PRUNE1: variants seen among roughly 807,000 people sequenced by gnomAD.
The protein encoded by PRUNE1 is exopolyphosphatase PRUNE1.
In PRUNE1, 25 loss-of-function variants were observed where a neutral mutation model predicts 42.5. The observed-to-expected ratio is 0.59, with a 90% CI of 0.43 to 0.82. PRUNE1 has a LOEUF of 0.82. Ranked by LOEUF, PRUNE1 falls within the 40% of genes least tolerant of loss-of-function variation. The pLI is 0.00. For missense variants in PRUNE1, 443 were observed against 539.3 expected (o/e 0.82, Z 1.77); for synonymous variants, 203 against 217.1 (o/e 0.93, Z 0.57).
intron 1 of PRUNE1, among the ~76,000 whole-genome samples, chr1:151,010,385 G>A (rs1013503925): frequency 7.2e-5 from 11 of 152,228 alleles, no homozygotes; most frequent in East Asian, 5.8e-4. Flanking sequence ...TACCCAGCCC[G>A]AATAGTATAT....
At chr1:151,018,728 G>A (rs1267006666) in intron 3 of PRUNE1, 59 bp downstream of exon 3, 5 of 1,457,888 alleles carry the variant, frequency 3.4e-6, no homozygotes, top group Admixed American at 3.9e-5. Context: ...TCTGATGAGT[G>A]AGATATAAAG....
At chr1:151,012,113 A>AAGTT (rs962164027) in intron 1 of PRUNE1, among the ~76,000 whole-genome samples, 3 of 152,228 alleles carry the variant, frequency 2.0e-5, no homozygotes, top group African/African-American at 7.2e-5. Context: ...AAAAGAAAAA[A>AAGTT]AGTTTGTATT....
At position 151,008,625 on chromosome 1, in the gene PRUNE1, G is replaced by A; in HGVS notation, c.-8G>A. The A allele has an allele frequency of 6.2e-7, 1 of 1,614,222 alleles. No individual in the cohort carries two copies. Among genetic ancestry groups the A allele is most frequent in the Non-Finnish European group, 8.5e-7 (1 of 1,180,044 alleles). On this transcript the variant is annotated 5_prime_UTR_variant, in exon 1 of 8. Coordinates refer to ENST00000271620, the MANE Select transcript of PRUNE1 (RefSeq NM_021222.3). The stretch of plus-strand genomic sequence containing the variant: ...GACCAGGGGCGACGGCGTACTTTGG[G>A]CTTCATCATGGAGGACTACCTGCAG...
In PRUNE1 at chr1:151,034,527, G is replaced by A; in HGVS notation, c.*293G>A. The A allele has an allele frequency of 2.9e-6, 1 of 345,544 alleles. No homozygotes were observed. Among genetic ancestry groups the A allele is most frequent in the Non-Finnish European group, 5.4e-6 (1 of 185,746 alleles). 21.4% of individuals were successfully genotyped at this position (345,544 alleles called of 1,614,324 possible). A position where few individuals can be genotyped will look rare whatever the true frequency, so the allele number is the denominator to read the frequency against. Reference sequence around the variant, plus strand: ...GACATATCTGCAGTCCCAGCACAGTGGGACAAAAAGAATTTAGACCCCAAA... The same window carrying A: ...GACATATCTGCAGTCCCAGCACAGTAGGACAAAAAGAATTTAGACCCCAAA... On this transcript the variant is annotated 3_prime_UTR_variant, in exon 8 of 8. Coordinates refer to ENST00000271620, the MANE Select transcript of PRUNE1 (RefSeq NM_021222.3).
At chr1:151,022,416 ATT>A (rs35567560) in intron 3 of PRUNE1, among the ~76,000 whole-genome samples, 8,201 of 135,104 alleles carry the variant, frequency 0.061, 386 homozygotes, top group African/African-American at 0.14. Flanking sequence ...GGCCTGGCTA[ATT>A]TTTTTTTTTT....
At chr1:151,017,070 G>C (rs918380110) in intron 1 of PRUNE1, among the ~76,000 whole-genome samples, 1 of 135,266 alleles carries the variant, frequency 7.4e-6, no homozygotes, top group Non-Finnish European at 1.5e-5. Context: ...TGAGGCATGA[G>C]AATCTGGTCA....
At chr1:151,015,929 C>T (rs1674081082) in intron 1 of PRUNE1, among the ~76,000 whole-genome samples, 1 of 152,088 alleles carries the variant, frequency 6.6e-6, no homozygotes, top group Non-Finnish European at 1.5e-5. Context: ...TCTCTCAGAA[C>T]CAGGCTGAGA....
chr1:151,030,107 C>T (rs587625247), intron 7 of PRUNE1, among the ~76,000 whole-genome samples: 17 of 151,972 alleles, frequency 1.1e-4, no homozygotes, highest in Non-Finnish European at 2.2e-4. Context: ...TTTAAAAATA[C>T]GGAAATTAGC....
intron 7 of PRUNE1, among the ~76,000 whole-genome samples, chr1:151,031,834 C>A (rs1029385272): frequency 2.0e-5 from 3 of 152,182 alleles, no homozygotes; most frequent in Admixed American, 2.0e-4. Flanking sequence ...TGGGGTTCCT[C>A]GGTTCTGGTT....
At chr1:151,031,681 G>A (rs1361762451) in intron 7 of PRUNE1, among the ~76,000 whole-genome samples, 1 of 152,142 alleles carries the variant, frequency 6.6e-6, no homozygotes, top group Non-Finnish European at 1.5e-5. Context: ...GTAAGTGAGG[G>A]TAATAGTGAT....
chr1:151,021,931 G>A (rs1674469225), intron 3 of PRUNE1, among the ~76,000 whole-genome samples: 1 of 151,004 alleles, frequency 6.6e-6, no homozygotes, highest in Non-Finnish European at 1.5e-5. Context: ...GACTCCCAAA[G>A]TGCTGGGATT....
intron 7 of PRUNE1, among the ~76,000 whole-genome samples, chr1:151,031,300 C>T (rs1418578159): frequency 4.0e-5 from 6 of 151,488 alleles, no homozygotes; most frequent in African/African-American, 1.5e-4. Context: ...AAGCAATCCT[C>T]CCAGCCTCCC....
intron 1 of PRUNE1, 108 bp downstream of exon 1, chr1:151,008,779 G>T: frequency 1.5e-6 from 2 of 1,346,122 alleles, no homozygotes; most frequent in Non-Finnish European, 1.1e-6. Flanking sequence ...GGAACACTGA[G>T]TTGTGGGGAG....
chr1:151,020,676 A>G (rs1013879529), intron 3 of PRUNE1, among the ~76,000 whole-genome samples: 6 of 152,114 alleles, frequency 3.9e-5, no homozygotes, highest in Non-Finnish European at 8.8e-5. Flanking sequence ...ATAATGTATT[A>G]TGTTAGAATA....
intron 1 of PRUNE1, among the ~76,000 whole-genome samples, chr1:151,014,300 G>C (rs771497084): frequency 2.0e-5 from 3 of 152,158 alleles, no homozygotes; most frequent in Non-Finnish European, 4.4e-5. Context: ...TCTTGAAGTA[G>C]ACTTAGAGAA....
intron 1 of PRUNE1, among the ~76,000 whole-genome samples, chr1:151,015,054 G>A (rs1282980223): frequency 7.2e-5 from 11 of 152,172 alleles, no homozygotes; most frequent in Admixed American, 1.3e-4. Context: ...TTGGCTGGGC[G>A]TGGTGGCTCA....
intron 3 of PRUNE1, 51 bp downstream of exon 3, chr1:151,018,720 T>C: frequency 1.3e-6 from 2 of 1,522,156 alleles, no homozygotes; most frequent in Non-Finnish European, 1.8e-6. Context: ...TGCTGGGCTC[T>C]GATGAGTGAG....
chr1:151,034,632 T>C lies in PRUNE1; in HGVS notation c.*398T>C, dbSNP rs1434263350. On this transcript the variant is annotated 3_prime_UTR_variant, in exon 8 of 8. Coordinates refer to ENST00000271620, the MANE Select transcript of PRUNE1 (RefSeq NM_021222.3). ...TTCATCGATGGTCTCCATGTATTCA[T>C]TTATTCACTTGTTCATTCAAGTATT... 1 of 174,012 alleles carries C rather than the reference T, an allele frequency of 5.7e-6. No homozygotes were observed. Among genetic ancestry groups the C allele is most frequent in the Non-Finnish European group, 1.3e-5 (1 of 79,684 alleles). The allele number at this position is 174,012 out of a possible 1,614,324, so 10.8% of individuals were successfully genotyped here.
intron 3 of PRUNE1, among the ~76,000 whole-genome samples, chr1:151,018,899 T>C (rs972108985): frequency 6.6e-6 from 1 of 152,082 alleles, no homozygotes; most frequent in African/African-American, 2.4e-5. Flanking sequence ...AAAAATTAGC[T>C]GGGCGTGGTG....
Sources: gnomAD v4.1 joint callset for allele counts (sites outside exome capture counted in the v4.1 genomes callset) on GRCh38, gnomAD v4.1.1 for gene constraint, MANE v1.5 for transcripts, NCBI Gene and HGNC (gene_info 2026-07-23, HGNC 2026-07-21) for gene names.